Variants in ATF1 observed in about 807,000 individuals in gnomAD.
The protein encoded by ATF1 is activating transcription factor 1.
ATF1 carries 16 observed loss-of-function variants against 34.7 expected under a neutral mutation model. The ratio of observed to expected loss-of-function variants is 0.46; its 90% CI spans 0.31 to 0.70. The LOEUF (loss-of-function observed/expected upper bound fraction) is 0.70, where lower values mean the gene tolerates loss of function less well. Among genes scored for constraint, ATF1 ranks in the 30% least tolerant of loss-of-function variants. The probability of loss-of-function intolerance (pLI) is 0.05; values close to 1 mark genes in which losing one functional copy is unlikely to be tolerated. For missense variants in ATF1, 255 were observed against 321.6 expected, an observed-to-expected ratio of 0.79 and a Z score of 1.58; for synonymous variants, 105 against 113.1, an observed-to-expected ratio of 0.93 and a Z score of 0.46.
chr12:50,785,147 C>T (rs1288588414), intron 2 of ATF1, among the ~76,000 whole-genome samples: 3 of 149,440 alleles, frequency 2.0e-5, no homozygotes, highest in East Asian at 2.0e-4. Context: ...TTGACCCGGG[C>T]GTGGTAGTGC....
At chr12:50,800,647 G>T (rs149747021) in intron 3 of ATF1, among the ~76,000 whole-genome samples, 1 of 152,052 alleles carries the variant, frequency 6.6e-6, no homozygotes, top group African/African-American at 2.4e-5. Context: ...ACCATGCGAG[G>T]GATCTAGGTT....
At chr12:50,767,846 G>A (rs1170347248) in intron 1 of ATF1, among the ~76,000 whole-genome samples, 1 of 151,640 alleles carries the variant, frequency 6.6e-6, no homozygotes, top group Non-Finnish European at 1.5e-5. Context: ...GCCCTGTGCT[G>A]TAGCTCAGTA....
At chr12:50,789,208 C>T (rs1361942222) in intron 2 of ATF1, among the ~76,000 whole-genome samples, 2 of 151,930 alleles carry the variant, frequency 1.3e-5, no homozygotes, top group Non-Finnish European at 2.9e-5. Flanking sequence ...GCTGGGACTA[C>T]AGGCGTGCGC....
At chr12:50,783,439 G>C (rs990651841) in intron 2 of ATF1, among the ~76,000 whole-genome samples, 1 of 152,136 alleles carries the variant, frequency 6.6e-6, no homozygotes, top group Non-Finnish European at 1.5e-5. Flanking sequence ...TTCTAATTCA[G>C]TTGGCTTACT....
chr12:50,791,607 AAGG>A (rs1217248555), intron 2 of ATF1, among the ~76,000 whole-genome samples: 5 of 152,104 alleles, frequency 3.3e-5, no homozygotes, highest in African/African-American at 7.2e-5. Context: ...CAATGTGAAG[AAGG>A]AGAACAGGGG....
At chr12:50,814,820 CTTT>C (rs35936124) in intron 6 of ATF1, among the ~76,000 whole-genome samples, 7 of 140,594 alleles carry the variant, frequency 5.0e-5, no homozygotes, top group Admixed American at 7.1e-5. Context: ...ATACCTTCTA[CTTT>C]TTTTTTTTTT....
intron 2 of ATF1, among the ~76,000 whole-genome samples, chr12:50,787,825 T>C (rs1332912944): frequency 6.6e-6 from 1 of 151,772 alleles, no homozygotes; most frequent in Admixed American, 6.6e-5. Flanking sequence ...ATCAGTGAAC[T>C]TGAAGATAGG....
chr12:50,819,463 T>C (rs537100162), intron 6 of ATF1, among the ~76,000 whole-genome samples, 172 bp from the exon 7 acceptor site: 1 of 152,336 alleles, frequency 6.6e-6, no homozygotes, highest in African/African-American at 2.4e-5. Flanking sequence ...TATACAGGTA[T>C]ACACAATTGC....
chr12:50,776,004 C>T (rs1158338063), intron 1 of ATF1, among the ~76,000 whole-genome samples: 2 of 151,944 alleles, frequency 1.3e-5, no homozygotes, highest in Non-Finnish European at 2.9e-5. Flanking sequence ...GCCAAAACCT[C>T]GTCTCGACAA....
chr12:50,808,560 C>A (rs946856540), intron 3 of ATF1, among the ~76,000 whole-genome samples: 2 of 151,898 alleles, frequency 1.3e-5, no homozygotes, highest in African/African-American at 4.8e-5. Context: ...AAACTCCTGA[C>A]CTCAAGTCAT....
At chr12:50,806,655 G>A (rs1173543513) in intron 3 of ATF1, among the ~76,000 whole-genome samples, 1 of 151,980 alleles carries the variant, frequency 6.6e-6, no homozygotes, top group Non-Finnish European at 1.5e-5. Context: ...TGATAGACTG[G>A]CTGTAGGACC....
At chr12:50,801,774 C>T (rs996376055) in intron 3 of ATF1, among the ~76,000 whole-genome samples, 5 of 152,158 alleles carry the variant, frequency 3.3e-5, no homozygotes, top group African/African-American at 1.2e-4. Flanking sequence ...GTTACCATTT[C>T]ATGATAAAAC....
chr12:50,817,531 T>C lies in ATF1; in HGVS notation c.672-2104T>C, dbSNP rs760842509. On this transcript the variant is annotated intron_variant, in intron 6 of 6. Coordinates refer to ENST00000262053, the MANE Select transcript of ATF1 (RefSeq NM_005171.5). ...AAATGAGATGTCACGTAGCAAAAAT[T>C]ATAAAGTGGTAATACTGTCTGTCAT... Among the ~76,000 whole-genome samples the C allele has an allele frequency of 1.8e-4, 27 of 152,262 alleles. 1 individual carries two copies. Among genetic ancestry groups the C allele is most frequent in the South Asian group, 1.0e-3 (5 of 4,824 alleles).
At chr12:50,782,554 CTTTT>C (rs1192258164) in intron 2 of ATF1, among the ~76,000 whole-genome samples, 1 of 124,930 alleles carries the variant, frequency 8.0e-6, no homozygotes, top group East Asian at 2.3e-4. Context: ...CACACCCGGC[CTTTT>C]TTTTTTTTTT....
intron 6 of ATF1, among the ~76,000 whole-genome samples, chr12:50,816,132 C>G (rs189860746): frequency 2.6e-5 from 4 of 151,464 alleles, no homozygotes; most frequent in African/African-American, 7.3e-5. Context: ...CCTAGGAGTT[C>G]AATGCAAGCC....
intron 3 of ATF1, among the ~76,000 whole-genome samples, chr12:50,803,763 A>G (rs754007206): frequency 6.6e-6 from 1 of 152,208 alleles, no homozygotes; most frequent in Non-Finnish European, 1.5e-5. Context: ...ATTTTTACTT[A>G]GCAATTAAAA....
intron 3 of ATF1, among the ~76,000 whole-genome samples, chr12:50,805,904 A>C (rs1453369660): frequency 1.3e-5 from 2 of 152,310 alleles, no homozygotes; most frequent in East Asian, 3.9e-4. Context: ...TAATCCCAGC[A>C]CTTTGGGAGG....
chr12:50,782,501 C>T (rs1344524815), intron 2 of ATF1, among the ~76,000 whole-genome samples: 3 of 151,006 alleles, frequency 2.0e-5, no homozygotes, highest in Admixed American at 2.0e-4. Context: ...GTGATCCACC[C>T]GCCTCAGCCT....
chr12:50,811,954 A>C (rs1373032033), intron 4 of ATF1, among the ~76,000 whole-genome samples: 1 of 152,222 alleles, frequency 6.6e-6, no homozygotes, highest in African/African-American at 2.4e-5. Context: ...TCGTATGATA[A>C]TGGGAATGTT....
Sources: allele counts gnomAD v4.1 joint callset (sites outside exome capture counted in the v4.1 genomes callset), GRCh38; gene constraint gnomAD v4.1.1; transcripts MANE v1.5; gene names NCBI Gene and HGNC (gene_info 2026-07-23, HGNC 2026-07-21).